TSPAN9: variants seen among roughly 807,000 people sequenced by gnomAD.
The protein encoded by TSPAN9 is tetraspanin-9.
Under a neutral mutation model 31.0 loss-of-function variants are expected in TSPAN9, and 16 were observed. The observed-to-expected ratio is 0.52, with a 90% CI of 0.35 to 0.78. TSPAN9 has a LOEUF of 0.78. Ranked by LOEUF, TSPAN9 falls within the 30% of genes least tolerant of loss-of-function variation. The probability of loss-of-function intolerance (pLI) is 0.01; values close to 1 mark genes in which losing one functional copy is unlikely to be tolerated. For missense variants in TSPAN9, 272 were observed against 312.5 expected (o/e 0.87, Z 0.98); for synonymous variants, 145 against 121.6 (o/e 1.19, Z -1.27).
chr12:3,159,717 A>G (rs1451390342), intron 2 of TSPAN9, among the ~76,000 whole-genome samples: 1 of 152,174 alleles, frequency 6.6e-6, no homozygotes, highest in Non-Finnish European at 1.5e-5. Flanking sequence ...AAGAAACTGT[A>G]TATATAGAGA....
At chr12:3,117,075 C>T (rs1028133000) in intron 2 of TSPAN9, among the ~76,000 whole-genome samples, 2 of 152,138 alleles carry the variant, frequency 1.3e-5, no homozygotes, top group Non-Finnish European at 2.9e-5. Flanking sequence ...AGGAAGTAGT[C>T]GAGCAGGATA....
At chr12:3,226,820 A>C in intron 3 of TSPAN9, among the ~76,000 whole-genome samples, 3 of 106,122 alleles carry the variant, frequency 2.8e-5, no homozygotes, top group African/African-American at 7.2e-5. Context: ...CCCTCTTCGA[A>C]CTCCTGGGCT....
At chr12:3,219,929 C>T (rs866576593) in intron 3 of TSPAN9, among the ~76,000 whole-genome samples, 7 of 150,742 alleles carry the variant, frequency 4.6e-5, no homozygotes, top group Admixed American at 2.0e-4. Context: ...CTGCGGCGGG[C>T]GGATCACCTG....
chr12:3,235,975 C>T (rs568895873), intron 3 of TSPAN9, among the ~76,000 whole-genome samples: 3 of 152,360 alleles, frequency 2.0e-5, no homozygotes, highest in African/African-American at 4.8e-5. Context: ...GACCTGCTGC[C>T]GCTGGGGCGG....
chr12:3,116,691 T>C (rs1565581425), intron 2 of TSPAN9, among the ~76,000 whole-genome samples: 1 of 152,102 alleles, frequency 6.6e-6, no homozygotes, highest in African/African-American at 2.4e-5. Context: ...CAGCTCAGGT[T>C]TTCAGCCCTG....
intron 3 of TSPAN9, among the ~76,000 whole-genome samples, chr12:3,255,578 G>A (rs1356681376): frequency 1.3e-5 from 2 of 152,218 alleles, no homozygotes; most frequent in East Asian, 1.9e-4. Context: ...GACGGCACGG[G>A]GGCCTGTGTC....
chr12:3,139,196 C>T lies in TSPAN9; in HGVS notation c.-18+55477C>T, dbSNP rs1591644335. Among the ~76,000 whole-genome samples, 6 of 152,310 alleles carry T rather than the reference C, an allele frequency of 3.9e-5. No homozygotes were observed. In the South Asian group the frequency reaches 1.2e-3, roughly 32 times the overall value. ...GGTGGGGGGCGGTGTCCAGGGAAGG[C>T]TCAACTTGTTTCCTCTCTTCCTCTG... On this transcript the variant is annotated intron_variant, in intron 2 of 8. Coordinates refer to ENST00000011898, the MANE Select transcript of TSPAN9 (RefSeq NM_006675.5).
chr12:3,281,639 G>T, intron 7 of TSPAN9, 95 bp from the exon 8 acceptor site: 1 of 1,409,498 alleles, frequency 7.1e-7, no homozygotes, highest in South Asian at 1.3e-5. Context: ...AGGTAAGAGC[G>T]AGGACGAGGT....
intron 3 of TSPAN9, among the ~76,000 whole-genome samples, chr12:3,214,750 G>A (rs182389255): frequency 2.0e-3 from 308 of 152,222 alleles, no homozygotes; most frequent in African/African-American, 6.6e-3. Context: ...CCCTGGCTAC[G>A]CTGGGGAGAA....
chr12:3,095,635 C>G (rs1232311668), intron 2 of TSPAN9, among the ~76,000 whole-genome samples: 1 of 141,382 alleles, frequency 7.1e-6, no homozygotes, highest in East Asian at 2.2e-4. Context: ...AGGGCTGACC[C>G]CCCCCACCTC....
intron 2 of TSPAN9, among the ~76,000 whole-genome samples, chr12:3,157,666 C>T (rs71458045): frequency 0.025 from 3,835 of 152,322 alleles, 68 homozygotes; most frequent in Middle Eastern, 0.037. Flanking sequence ...CAGAGGTCAT[C>T]TGTCCTGCTG....
chr12:3,260,416 C>T (rs1338604643), intron 3 of TSPAN9, among the ~76,000 whole-genome samples: 1 of 152,192 alleles, frequency 6.6e-6, no homozygotes, highest in Non-Finnish European at 1.5e-5. Context: ...AGGGATGGGG[C>T]TTGACCCTTG....
intron 3 of TSPAN9, among the ~76,000 whole-genome samples, chr12:3,267,047 C>T (rs1282146074): frequency 6.6e-6 from 1 of 152,180 alleles, no homozygotes; most frequent in East Asian, 1.9e-4. Flanking sequence ...TGGGTGGAGC[C>T]GAGGCAGCTC....
chr12:3,243,540 G>T (rs556829963), intron 3 of TSPAN9, among the ~76,000 whole-genome samples: 20 of 152,328 alleles, frequency 1.3e-4, no homozygotes, highest in African/African-American at 4.6e-4. Flanking sequence ...CTGAGCCCAG[G>T]AGATAGGGCT....
chr12:3,262,703 GAGGCCGCGCAC>G lies in TSPAN9; in HGVS notation c.64-15715_64-15705del, dbSNP rs560133479. ...GCCTCCCCCAGCCTGTAATTGGTCAGAGGCCGCGCACAGCTCCGCTCGTTCCAGGTGAGTAA... is the reference window on the plus strand; with the variant it reads ...GCCTCCCCCAGCCTGTAATTGGTCAGAGCTCCGCTCGTTCCAGGTGAGTAA... On this transcript the variant is annotated intron_variant, in intron 3 of 8. Transcript: ENST00000011898. Among the ~76,000 whole-genome samples the G allele has an allele frequency of 2.0e-3, 302 of 152,190 alleles. 1 individual carries two copies. Among genetic ancestry groups the G allele is most frequent in the African/African-American group, 6.8e-3 (283 of 41,520 alleles).
chr12:3,265,211 A>G (rs1286187331), intron 3 of TSPAN9, among the ~76,000 whole-genome samples: 3 of 152,338 alleles, frequency 2.0e-5, no homozygotes, highest in East Asian at 1.9e-4. Flanking sequence ...AGTGGCTTCT[A>G]TGCTTTCCTC....
chr12:3,194,311 CAG>C (rs1565609072), intron 2 of TSPAN9, among the ~76,000 whole-genome samples: 1 of 152,208 alleles, frequency 6.6e-6, no homozygotes, highest in African/African-American at 2.4e-5. Flanking sequence ...GACCTTTCTC[CAG>C]AGAGGGAGGT....
At chr12:3,278,071 C>T (rs2153980730) in intron 3 of TSPAN9, among the ~76,000 whole-genome samples, 1 of 152,348 alleles carries the variant, frequency 6.6e-6, no homozygotes, top group Non-Finnish European at 1.5e-5. Context: ...TCTTCTCTAT[C>T]ATGCAGAGTA....
chr12:3,083,631 C>G (rs773961134), intron 1 of TSPAN9, 22 bp from the exon 2 acceptor site: 7 of 152,172 alleles, frequency 4.6e-5, no homozygotes, highest in Non-Finnish European at 8.8e-5. Flanking sequence ...AAGTGATGAC[C>G]TAATTTTTTG....
Sources: allele counts gnomAD v4.1 joint callset (sites outside exome capture counted in the v4.1 genomes callset), GRCh38; gene constraint gnomAD v4.1.1; transcripts MANE v1.5; gene names NCBI Gene and HGNC (gene_info 2026-07-23, HGNC 2026-07-21).